Variants in LRP1B observed in about 807,000 individuals in gnomAD.
LRP1B encodes the protein low-density lipoprotein receptor-related protein 1B.
LRP1B carries 217 observed loss-of-function variants against 556.6 expected under a neutral mutation model. The ratio of observed to expected loss-of-function variants is 0.39; its 90% confidence interval spans 0.35 to 0.44. The LOEUF (loss-of-function observed/expected upper bound fraction) is 0.44, where lower values mean the gene tolerates loss of function less well. Among genes scored for constraint, LRP1B ranks in the 20% least tolerant of loss-of-function variants. The pLI, the probability that LRP1B is intolerant of heterozygous loss-of-function variation, is 1.00. For synonymous variants in LRP1B, 2,047 were observed against 1,865.8 expected, an observed-to-expected ratio of 1.10 and a Z score of -2.50; for missense variants, 5,053 against 5,620.8, an observed-to-expected ratio of 0.90 and a Z score of 3.23.
chr2:141,118,139 G>A (rs963900272), intron 7 of LRP1B, among the ~76,000 whole-genome samples: 3 of 148,928 alleles, frequency 2.0e-5, no homozygotes, highest in Non-Finnish European at 4.5e-5. Flanking sequence ...AATGCATTCA[G>A]AGATAAAAGG....
At chr2:140,892,547 T>C (rs1473639609) in intron 23 of LRP1B, among the ~76,000 whole-genome samples, 1 of 152,136 alleles carries the variant, frequency 6.6e-6, no homozygotes, top group Non-Finnish European at 1.5e-5. Context: ...TTTTGAGAGC[T>C]GCGAAGGATG....
At chr2:141,585,599 G>C (rs1687110636) in intron 2 of LRP1B, among the ~76,000 whole-genome samples, 2 of 152,064 alleles carry the variant, frequency 1.3e-5, no homozygotes, top group African/African-American at 2.4e-5. Flanking sequence ...AAATATGCCT[G>C]TGTGTGTGCC....
At chr2:140,740,379 T>G (rs12623741) in intron 35 of LRP1B, among the ~76,000 whole-genome samples, 1 of 152,174 alleles carries the variant, frequency 6.6e-6, no homozygotes, top group East Asian at 1.9e-4. Context: ...TGGATGAGAT[T>G]GGAGACTATT....
intron 3 of LRP1B, among the ~76,000 whole-genome samples, chr2:141,359,760 GCCCCGCCCCGCCCCGCCCCGCC>G (rs1688752763): frequency 2.3e-5 from 1 of 43,634 alleles, no homozygotes; most frequent in Admixed American, 1.8e-4. Context: ...CGGCCCCCGC[GCCCCGCCCCGCCCCGCCCCGCC>G]CCCCAAAAAG....
At chr2:140,657,323 GC>G (rs903768610) in intron 41 of LRP1B, among the ~76,000 whole-genome samples, 5 of 151,872 alleles carry the variant, frequency 3.3e-5, no homozygotes, top group African/African-American at 7.2e-5. Context: ...CATTATAACT[GC>G]CCTATTGAGA....
intron 2 of LRP1B, among the ~76,000 whole-genome samples, chr2:141,577,329 CAGGGAAA>C (rs1254034406): frequency 2.0e-4 from 30 of 152,262 alleles, no homozygotes; most frequent in African/African-American, 7.0e-4. Context: ...CCTACACTAC[CAGGGAAA>C]ATATTCTGCC....
At chr2:140,896,892 T>C (rs1263122895) in intron 23 of LRP1B, among the ~76,000 whole-genome samples, 1 of 152,154 alleles carries the variant, frequency 6.6e-6, no homozygotes, top group Non-Finnish European at 1.5e-5. Context: ...CAGAAGATGA[T>C]GGAAAACAGA....
At chr2:142,029,967 CT>C (rs1255850186) in intron 1 of LRP1B, among the ~76,000 whole-genome samples, 1 of 151,354 alleles carries the variant, frequency 6.6e-6, no homozygotes, top group Non-Finnish European at 1.5e-5. Context: ...CTGACCTTAA[CT>C]TTTTTTCTAT....
intron 2 of LRP1B, among the ~76,000 whole-genome samples, chr2:141,785,905 G>T (rs1241602895): frequency 6.6e-6 from 1 of 151,644 alleles, no homozygotes; most frequent in Non-Finnish European, 1.5e-5. Context: ...TTTTGAGGTG[G>T]CTTCAGAGAC....
intron 3 of LRP1B, among the ~76,000 whole-genome samples, chr2:141,475,166 A>G (rs572974727): frequency 6.6e-6 from 1 of 152,212 alleles, no homozygotes; most frequent in African/African-American, 2.4e-5. Context: ...TTATGTCAGG[A>G]GTTTGTGACC....
chr2:141,015,630 C>T (rs1697878805), intron 13 of LRP1B, 66 bp downstream of exon 13: 2 of 1,262,716 alleles, frequency 1.6e-6, no homozygotes, highest in East Asian at 2.5e-5. Context: ...ATTTTTAACA[C>T]AACACAACAA....
chr2:140,276,554 C>CT (rs11426569), intron 84 of LRP1B, among the ~76,000 whole-genome samples: 49,395 of 151,684 alleles, frequency 0.33, 8,530 homozygotes, highest in African/African-American at 0.43. Context: ...CAACAGCAGT[C>CT]TATGTGATCA....
chr2:141,756,657 G>T (rs546374696), intron 2 of LRP1B, among the ~76,000 whole-genome samples: 1 of 151,712 alleles, frequency 6.6e-6, no homozygotes, highest in East Asian at 1.9e-4. Context: ...TTAGAATACT[G>T]CATTTTTACT....
chr2:140,947,631 G>A (rs1277203205), intron 20 of LRP1B, among the ~76,000 whole-genome samples: 1 of 152,114 alleles, frequency 6.6e-6, no homozygotes, highest in African/African-American at 2.4e-5. Context: ...TTCTATACCA[G>A]AATATACAAT....
chr2:140,829,859 C>G (rs1691654507), intron 31 of LRP1B, among the ~76,000 whole-genome samples: 1 of 151,612 alleles, frequency 6.6e-6, no homozygotes, highest in Admixed American at 6.6e-5. Flanking sequence ...ACAAAATTGA[C>G]AAACCTTTAG....
chr2:141,765,509 A>G (rs1403512004), intron 2 of LRP1B, among the ~76,000 whole-genome samples: 1 of 152,172 alleles, frequency 6.6e-6, no homozygotes, highest in Non-Finnish European at 1.5e-5. Context: ...ACCTGCTGAC[A>G]GCAAGTAGTA....
rs10643830 is a variant in LRP1B, at chr2:141,074,589, C to CTCTATA, written c.1014-12317_1014-12316insTATAGA. On this transcript the variant is annotated intron_variant, in intron 7 of 90. Transcript: ENST00000389484. ...TCTCTGTCTCTCTCTCTCTCTCTCT[C>CTCTATA]TATATATATATATATATGTTTTTTA... Among the ~76,000 whole-genome samples, 937 of 136,434 alleles carry CTCTATA rather than the reference C, an allele frequency of 6.9e-3. 6 individuals are homozygous for CTCTATA. Among genetic ancestry groups the CTCTATA allele is most frequent in the African/African-American group, 0.02 (740 of 36,968 alleles). The allele number at this position is 136,434 out of a possible 152,430, so 89.5% of individuals were successfully genotyped here.
intron 41 of LRP1B, among the ~76,000 whole-genome samples, chr2:140,619,909 A>G (rs1355629514): frequency 6.6e-6 from 1 of 152,238 alleles, no homozygotes; most frequent in African/African-American, 2.4e-5. Context: ...ATAGATTCAT[A>G]CATTAATTAA....
At chr2:140,857,155 T>A (rs552106963) in intron 27 of LRP1B, among the ~76,000 whole-genome samples, 1 of 152,288 alleles carries the variant, frequency 6.6e-6, no homozygotes, top group South Asian at 2.1e-4. Context: ...TTCCAATAAA[T>A]TCAAATAAAA....
Sources: allele counts gnomAD v4.1 joint callset (sites outside exome capture counted in the v4.1 genomes callset), GRCh38; gene constraint gnomAD v4.1.1; transcripts MANE v1.5; gene names NCBI Gene and HGNC (gene_info 2026-07-23, HGNC 2026-07-21).